The following ITGAL variants were observed in gnomAD, a reference collection of about 807,000 sequenced individuals.
ITGAL encodes integrin alpha-L.
ITGAL carries 68 observed loss-of-function variants against 138.4 expected under a neutral mutation model. The observed-to-expected ratio is 0.49, with a 90% CI of 0.40 to 0.60. ITGAL has a LOEUF of 0.60. Ranked by LOEUF, ITGAL falls within the 20% of genes least tolerant of loss-of-function variation. ITGAL has a pLI of 0.00. For synonymous variants in ITGAL, 561 were observed against 584.3 expected (o/e 0.96, Z 0.57); for missense variants, 1,256 against 1,478.6 (o/e 0.85, Z 2.47).
At chr16:30,518,585 C>T (rs540959050) in intron 28 of ITGAL, 39 bp from the exon 29 acceptor site, 8 of 1,441,784 alleles carry the variant, frequency 5.5e-6, no homozygotes, top group South Asian at 3.4e-5. Context: ...GTTCTGTCCT[C>T]GTTCTCCCGG....
intron 5 of ITGAL, 55 bp downstream of exon 5, chr16:30,479,263 G>T: frequency 6.2e-7 from 1 of 1,613,102 alleles, no homozygotes; most frequent in Non-Finnish European, 8.5e-7. Flanking sequence ...TGTCCCTAGA[G>T]AGAACCAGCA....
rs2051263872 is a variant in ITGAL, at chr16:30,522,186, C to G, written c.*521C>G. The G allele has an allele frequency of 6.5e-6, 1 of 153,306 alleles. No individual in the cohort carries two copies. Among genetic ancestry groups the G allele is most frequent in the Non-Finnish European group, 1.5e-5 (1 of 68,794 alleles). 9.5% of individuals were successfully genotyped at this position (153,306 alleles called of 1,614,324 possible). A position where few individuals can be genotyped will look rare whatever the true frequency, so the allele number is the denominator to read the frequency against. On this transcript the variant is annotated 3_prime_UTR_variant, in exon 31 of 31. Coordinates refer to ENST00000356798, the MANE Select transcript of ITGAL (RefSeq NM_002209.3). The surrounding 1 kb of genome is among the most constrained non-coding windows in gnomAD (Gnocchi z 4.0). ...AATTCCTTGGCATGCCTTCCAGCAC[C>G]CTGCAAAATGAGACCCTCGTGGCCT...
At chr16:30,521,270 G>A (rs1290389898) in intron 30 of ITGAL, among the ~76,000 whole-genome samples, 1 of 151,844 alleles carries the variant, frequency 6.6e-6, no homozygotes, top group Non-Finnish European at 1.5e-5. Flanking sequence ...AGCCGGGCGT[G>A]GTGGCAGATG....
At position 30,519,879 on chromosome 16, in the gene ITGAL, T is replaced by C; in HGVS notation, c.3251T>C (p.Val1084Ala). 1 of 1,613,722 alleles carries C rather than the reference T, an allele frequency of 6.2e-7. No individual in the cohort carries two copies. Among genetic ancestry groups the C allele is most frequent in the Non-Finnish European group, 8.5e-7 (1 of 1,179,700 alleles). Residue 1084 changes from valine to alanine, a missense_variant, in exon 30 of 31, where the codon GTG becomes GCG. Physicochemically the swap from Val to Ala is moderately conservative, Grantham distance 64. This residue lies in a region of ITGAL where 867 missense variants were observed against 972.5 expected (regional missense o/e 0.89). Coordinates refer to ENST00000356798, the MANE Select transcript of ITGAL (RefSeq NM_002209.3). ...LAQVVMKVDV[V>A]YEKQMLYLYV... ...CAGGTTGTCATGAAGGTTGACGTGG[T>C]GTATGAGAAGCAGATGCTCTACCTC...
intron 11 of ITGAL, 66 bp downstream of exon 11, chr16:30,489,452 T>G: frequency 6.5e-7 from 1 of 1,544,444 alleles, no homozygotes; most frequent in Admixed American, 1.7e-5. Context: ...TCAGCCTGGC[T>G]TCCAAAACAA....
At chr16:30,518,561 G>T in intron 28 of ITGAL, 63 bp from the exon 29 acceptor site, 1 of 1,158,858 alleles carries the variant, frequency 8.6e-7, no homozygotes, top group Non-Finnish European at 1.3e-6. Context: ...TGTGGTGGGG[G>T]CAAAAGCCAG....
rs2050768768 is a variant in ITGAL, at chr16:30,494,274, C to T, written c.1276C>T (p.Arg426Ter). 1 of 1,613,322 alleles carries T rather than the reference C, an allele frequency of 6.2e-7. No individual in the cohort carries two copies. The part of the protein sequence containing the change: ...KTSLLASGAP[R>*]YQHMGRVLLF... ...TTCGTTGCTGGCCTCGGGAGCCCCT[C>T]GATACCAGCACATGGGCCGAGTGCT... Residue 426 changes from arginine to a stop codon, truncating the protein, a stop_gained, in exon 12 of 31, where the codon CGA becomes TGA. Coordinates refer to ENST00000356798, the MANE Select transcript of ITGAL (RefSeq NM_002209.3). LOFTEE classifies it high-confidence loss of function. The surrounding 1 kb of genome is among the most constrained non-coding windows in gnomAD (Gnocchi z 4.2).
chr16:30,491,764 G>A (rs1202995560), intron 11 of ITGAL, among the ~76,000 whole-genome samples: 1 of 152,072 alleles, frequency 6.6e-6, no homozygotes, highest in Non-Finnish European at 1.5e-5. Context: ...CCAAAGTGCT[G>A]AGGTTATAGC....
intron 4 of ITGAL, 119 bp downstream of exon 4, chr16:30,475,699 A>G (rs1418512557): frequency 2.8e-6 from 2 of 703,814 alleles, no homozygotes; most frequent in Non-Finnish European, 5.1e-6. Flanking sequence ...CATCAGAGTC[A>G]ATTAGTGTTT....
chr16:30,517,334 C>T (rs528685032), intron 26 of ITGAL, among the ~76,000 whole-genome samples: 6 of 152,014 alleles, frequency 3.9e-5, no homozygotes, highest in South Asian at 4.2e-4. Context: ...GGCCCGTGCC[C>T]GTGGTCTCAG....
Position 30,496,124 on chromosome 16 carries a change from C to A in ITGAL, c.1531C>A (p.Gln511Lys), listed in dbSNP as rs1362101933. The A allele has an allele frequency of 1.9e-6, 3 of 1,613,870 alleles. No individual in the cohort carries two copies. In the African/African-American group the frequency reaches 4.0e-5, roughly 22 times the overall value. ...QLGFEEVSEL[Q>K]GDPGYPLGRF... is the part of the protein sequence containing the mutation. ...GGGGTTTGAAGAAGTCTCAGAGCTG[C>A]AGGGGGACCCCGGCTACCCACTCGG... The change falls in exon 14 of 31, where the codon CAG becomes AAG. Residue 511 changes from glutamine to lysine, a missense_variant. Physicochemically the swap from Gln to Lys is moderately conservative, Grantham distance 53. Transcript: ENST00000356798.
intron 11 of ITGAL, among the ~76,000 whole-genome samples, chr16:30,493,544 G>A (rs1425860117): frequency 1.3e-5 from 2 of 151,194 alleles, no homozygotes; most frequent in African/African-American, 2.4e-5. Context: ...CCAAAGCGCT[G>A]GGATTACAGG....
intron 30 of ITGAL, among the ~76,000 whole-genome samples, chr16:30,521,086 AAAATAAAATAAAAT>A (rs2051245908): frequency 2.0e-5 from 3 of 151,914 alleles, no homozygotes; most frequent in South Asian, 2.1e-4. Context: ...CTCCATCTCA[AAAATAAAATAAAAT>A]AAATAAAATA....
chr16:30,518,496 G>GT (rs2051204131), intron 28 of ITGAL, 128 bp from the exon 29 acceptor site: 2 of 662,632 alleles, frequency 3.0e-6, no homozygotes. Context: ...ATAGAGAGTT[G>GT]TGTAGAGATG....
chr16:30,479,002 G>T, intron 4 of ITGAL, 89 bp from the exon 5 acceptor site: 1 of 924,754 alleles, frequency 1.1e-6, no homozygotes, highest in Non-Finnish European at 1.8e-6. Context: ...AGAGGACAAG[G>T]ACTCTGAACG....
chr16:30,514,663 A>G (rs2051140509), intron 25 of ITGAL, among the ~76,000 whole-genome samples: 1 of 151,872 alleles, frequency 6.6e-6, no homozygotes, highest in South Asian at 2.1e-4. Flanking sequence ...ACTTCAAGTG[A>G]TCTACCCACC....
At chr16:30,477,261 A>C (rs937611468) in intron 4 of ITGAL, 1 of 152,102 alleles carries the variant, frequency 6.6e-6, no homozygotes, top group African/African-American at 2.4e-5. Flanking sequence ...GTGAGATACA[A>C]AGTTGATGAG....
intron 26 of ITGAL, 122 bp downstream of exon 26, chr16:30,517,208 T>C: frequency 1.5e-6 from 1 of 671,270 alleles, no homozygotes; most frequent in Non-Finnish European, 2.6e-6. Flanking sequence ...TCCCAGCACT[T>C]TGGGAGGCTG....
At chr16:30,512,908 C>G (rs1385004601) in intron 24 of ITGAL, among the ~76,000 whole-genome samples, 1 of 152,122 alleles carries the variant, frequency 6.6e-6, no homozygotes, top group African/African-American at 2.4e-5. Flanking sequence ...GCCATGTTGG[C>G]CAGGCAGGTC....
Sources: gnomAD v4.1 joint callset for allele counts (sites outside exome capture counted in the v4.1 genomes callset) on GRCh38, gnomAD v4.1.1 for gene constraint, gnomAD v4.1.1 regional missense constraint, Gnocchi (gnomAD v3.1) non-coding constraint, MANE v1.5 for transcripts, NCBI Gene and HGNC (gene_info 2026-07-23, HGNC 2026-07-21) for gene names.